TMEM132D: variants seen among roughly 807,000 people sequenced by gnomAD.
TMEM132D encodes the protein transmembrane protein 132D, also known as mature OL transmembrane protein.
A neutral mutation model predicts 62.3 loss-of-function variants in TMEM132D; 21 were observed. The ratio of observed to expected loss-of-function variants is 0.34; its 90% CI spans 0.24 to 0.49. The LOEUF (loss-of-function observed/expected upper bound fraction) is 0.49, where lower values mean the gene tolerates loss of function less well. Ranked by LOEUF, TMEM132D falls within the 20% of genes least tolerant of loss-of-function variation. The probability of loss-of-function intolerance (pLI) is 0.99; values close to 1 mark genes in which losing one functional copy is unlikely to be tolerated. For synonymous variants in TMEM132D, 621 were observed against 575.6 expected (o/e 1.08, Z -1.13); for missense variants, 1,346 against 1,402.8 (o/e 0.96, Z 0.65).
intron 1 of TMEM132D, among the ~76,000 whole-genome samples, chr12:129,859,413 A>G (rs1873820368): frequency 6.6e-6 from 1 of 152,216 alleles, no homozygotes; most frequent in South Asian, 2.1e-4. Flanking sequence ...TTTTCTTTTC[A>G]CTGAATTAAT....
At chr12:129,287,715 A>C (rs1392661429) in intron 4 of TMEM132D, among the ~76,000 whole-genome samples, 1 of 140,538 alleles carries the variant, frequency 7.1e-6, no homozygotes, top group East Asian at 2.1e-4. Context: ...AGAACTGCCC[A>C]GCAAAACTTT....
At chr12:129,368,883 A>T (rs1363117934) in intron 3 of TMEM132D, among the ~76,000 whole-genome samples, 1 of 152,198 alleles carries the variant, frequency 6.6e-6, no homozygotes, top group Non-Finnish European at 1.5e-5. Context: ...TTTGCCTGAT[A>T]AAGAGGTGCA....
chr12:129,267,350 AT>A (rs1880724694), intron 4 of TMEM132D, among the ~76,000 whole-genome samples: 2 of 152,196 alleles, frequency 1.3e-5, no homozygotes, highest in South Asian at 4.1e-4. Flanking sequence ...AGGATACAAA[AT>A]CAATGTGCGA....
chr12:129,368,373 C>T (rs1158512194), intron 3 of TMEM132D, among the ~76,000 whole-genome samples: 1 of 152,132 alleles, frequency 6.6e-6, no homozygotes, highest in Non-Finnish European at 1.5e-5. Flanking sequence ...CCACATTCTC[C>T]ATCCTTGTTT....
chr12:129,873,217 C>T (rs1567760), intron 1 of TMEM132D, among the ~76,000 whole-genome samples: 136,331 of 152,126 alleles, frequency 0.9, 62,921 homozygotes, highest in East Asian at 1. Flanking sequence ...GCAGCACGGA[C>T]TATCTTCAGG....
In TMEM132D at chr12:129,472,354, T is replaced by A. The variant is rs577946880; in HGVS notation, c.1115+58705A>T. ...CAGGAAGAGAAAACAAAACACCTCA[T>A]GTTCTCACTCATAAGTGGGAGTTGA... On this transcript the variant is annotated intron_variant, in intron 3 of 8. Coordinates refer to ENST00000422113, the MANE Select transcript of TMEM132D (RefSeq NM_133448.3). Among the ~76,000 whole-genome samples the A allele has an allele frequency of 2.0e-5, 3 of 152,270 alleles. No homozygotes were observed. The South Asian group carries it at 6.2e-4, about 32-fold the overall frequency.
chr12:129,497,061 A>G (rs1874981220), intron 3 of TMEM132D, among the ~76,000 whole-genome samples: 1 of 152,140 alleles, frequency 6.6e-6, no homozygotes, highest in Admixed American at 6.6e-5. Context: ...TCATCCCAGC[A>G]CTTTGAGAGG....
At chr12:129,632,729 C>G (rs1879379492) in intron 2 of TMEM132D, among the ~76,000 whole-genome samples, 1 of 152,190 alleles carries the variant, frequency 6.6e-6, no homozygotes, top group African/African-American at 2.4e-5. Context: ...TTCCACCATC[C>G]ACGCACGAGC....
chr12:129,626,520 C>T (rs964038008), intron 2 of TMEM132D, among the ~76,000 whole-genome samples: 4 of 151,926 alleles, frequency 2.6e-5, no homozygotes, highest in Admixed American at 2.6e-4. Context: ...TGCAGTGGCA[C>T]AATCTCAGCT....
intron 3 of TMEM132D, among the ~76,000 whole-genome samples, chr12:129,443,916 A>G (rs1873014798): frequency 6.6e-6 from 1 of 152,192 alleles, no homozygotes; most frequent in Non-Finnish European, 1.5e-5. Flanking sequence ...TGAATTGACA[A>G]GGAAAAGATT....
At position 129,454,844 on chromosome 12, in the gene TMEM132D, A is replaced by T. The variant is rs114749007; in HGVS notation, c.1115+76215T>A. ...GCCATTACAATCCAAGATGGCAGGC[A>T]GTCAGTCTGTTTTCCTTGATGAACT... On this transcript the variant is annotated intron_variant, in intron 3 of 8. Coordinates refer to ENST00000422113, the MANE Select transcript of TMEM132D (RefSeq NM_133448.3). Among the ~76,000 whole-genome samples, 1,347 of 152,314 alleles carry T rather than the reference A, an allele frequency of 8.8e-3. 18 individuals are homozygous for T. The highest frequency in any genetic ancestry group is 0.031 in the African/African-American group (1,277 of 41,576).
At chr12:129,812,755 T>C (rs776354611) in intron 1 of TMEM132D, among the ~76,000 whole-genome samples, 1 of 151,712 alleles carries the variant, frequency 6.6e-6, no homozygotes, top group African/African-American at 2.4e-5. Context: ...CCCAATCTCT[T>C]TTCCTGGGCC....
chr12:129,248,590 AG>A, intron 4 of TMEM132D, among the ~76,000 whole-genome samples: 1 of 152,100 alleles, frequency 6.6e-6, no homozygotes, highest in East Asian at 1.9e-4. Context: ...CAGGGGTAGA[AG>A]TGCAGGTTTG....
At chr12:129,817,548 A>T (rs144305079) in intron 1 of TMEM132D, among the ~76,000 whole-genome samples, 4 of 152,094 alleles carry the variant, frequency 2.6e-5, no homozygotes, top group Middle Eastern at 3.4e-3. Flanking sequence ...GCCACATTTT[A>T]GCAAGCTGGG....
At chr12:129,286,599 CCT>C in intron 4 of TMEM132D, among the ~76,000 whole-genome samples, 1 of 152,340 alleles carries the variant, frequency 6.6e-6, no homozygotes, top group Admixed American at 6.5e-5. Context: ...GATTCCTCAG[CCT>C]CTCTCATTCG....
rs559403508 is a variant in TMEM132D, at chr12:129,385,403, G to A, written c.1116-47586C>T. On this transcript the variant is annotated intron_variant, in intron 3 of 8. Coordinates refer to ENST00000422113, the MANE Select transcript of TMEM132D (RefSeq NM_133448.3). ...TTACAAGCATGAGCCACCGTGCTTG[G>A]CCCTAAAGTGCTTCTTAAACATACT... Among the ~76,000 whole-genome samples the A allele has an allele frequency of 1.1e-3, 167 of 152,142 alleles. 1 individual carries two copies. The highest frequency in any genetic ancestry group is 3.7e-3 in the African/African-American group (155 of 41,498).
intron 2 of TMEM132D, among the ~76,000 whole-genome samples, chr12:129,586,212 G>A (rs769149036): frequency 2.0e-5 from 3 of 150,394 alleles, no homozygotes; most frequent in Non-Finnish European, 4.4e-5. Context: ...CCTCCTGAAT[G>A]TGATGGGAAT....
rs1407699023 is a variant in TMEM132D, at chr12:129,087,988, C to T, written c.1444-3286G>A. Among the ~76,000 whole-genome samples the T allele has an allele frequency of 3.5e-3, 311 of 88,650 alleles. 42 individuals carry two copies. The highest frequency in any genetic ancestry group is 9.4e-3 in the African/African-American group (281 of 29,738). 58.2% of individuals were successfully genotyped at this position (88,650 alleles called of 152,430 possible). On this transcript the variant is annotated intron_variant, in intron 5 of 8. Coordinates refer to ENST00000422113, the MANE Select transcript of TMEM132D (RefSeq NM_133448.3). The stretch of plus-strand genomic sequence containing the variant: ...GGTGTCCTCCATGACCGGGTGTCCT[C>T]CATGACCGGGGTGTCCTCCATGACC...
chr12:129,641,845 G>GCC (rs1565933271), intron 2 of TMEM132D, among the ~76,000 whole-genome samples: 1 of 152,146 alleles, frequency 6.6e-6, no homozygotes, highest in Admixed American at 6.5e-5. Flanking sequence ...GACAAGTCCT[G>GCC]CAGCAGCGCA....
Sources: gnomAD v4.1 joint callset for allele counts (sites outside exome capture counted in the v4.1 genomes callset) on GRCh38, gnomAD v4.1.1 for gene constraint, MANE v1.5 for transcripts, NCBI Gene and HGNC (gene_info 2026-07-23, HGNC 2026-07-21) for gene names.